The following TOPBP1 variants were observed in gnomAD, a reference collection of about 807,000 sequenced individuals.
The protein encoded by TOPBP1 is DNA topoisomerase 2-binding protein 1.
In TOPBP1, 28 loss-of-function variants were observed where a neutral mutation model predicts 167.7. That is an observed-to-expected ratio of 0.17 (90% CI 0.12 to 0.23). The LOEUF is 0.23. Among genes scored for constraint, TOPBP1 ranks in the 10% least tolerant of loss-of-function variants. The pLI, the probability that TOPBP1 is intolerant of heterozygous loss-of-function variation, is 1.00. For synonymous variants in TOPBP1, 598 were observed against 611.4 expected (o/e 0.98, Z 0.32); for missense variants, 1,554 against 1,809.6 (o/e 0.86, Z 2.56).
intron 16 of TOPBP1, among the ~76,000 whole-genome samples, chr3:133,627,239 A>T (rs1935298438): frequency 6.6e-6 from 1 of 152,190 alleles, no homozygotes; most frequent in Non-Finnish European, 1.5e-5. Flanking sequence ...TCATATAAAA[A>T]CATACATCCT....
intron 27 of TOPBP1, among the ~76,000 whole-genome samples, chr3:133,605,229 C>A (rs574328822): frequency 7.9e-5 from 12 of 150,968 alleles, no homozygotes; most frequent in African/African-American, 2.9e-4. Context: ...TCCAGACCTT[C>A]AAACATTCAA....
At chr3:133,626,750 A>AT (rs1416140608) in intron 16 of TOPBP1, among the ~76,000 whole-genome samples, 1 of 152,162 alleles carries the variant, frequency 6.6e-6, no homozygotes, top group Non-Finnish European at 1.5e-5. Context: ...AACTGAACAT[A>AT]TATCTTTTCT....
intron 27 of TOPBP1, among the ~76,000 whole-genome samples, chr3:133,606,635 G>A (rs1934501869): frequency 6.6e-6 from 1 of 151,642 alleles, no homozygotes; most frequent in South Asian, 2.1e-4. Context: ...AAAAGTTGCT[G>A]TACAGCTACA....
intron 13 of TOPBP1, among the ~76,000 whole-genome samples, chr3:133,638,405 T>C (rs1053895056): frequency 5.9e-5 from 9 of 152,224 alleles, no homozygotes; most frequent in Non-Finnish European, 7.3e-5. Flanking sequence ...GCATTAAATA[T>C]ATGTTGAGTT....
intron 23 of TOPBP1, among the ~76,000 whole-genome samples, chr3:133,615,740 T>C (rs1934848739): frequency 6.6e-6 from 1 of 152,226 alleles, no homozygotes; most frequent in South Asian, 2.1e-4. Context: ...TATTGAATGA[T>C]AAATATATGT....
intron 27 of TOPBP1, among the ~76,000 whole-genome samples, chr3:133,602,216 C>T (rs139628001): frequency 1.1e-4 from 16 of 152,212 alleles, no homozygotes; most frequent in African/African-American, 3.9e-4. Flanking sequence ...ACTGATTTCT[C>T]AACAGAAACA....
chr3:133,608,859 A>G lies in TOPBP1; in HGVS notation c.4263+14T>C, dbSNP rs1291780085. 4 of 1,600,312 alleles carry G rather than the reference A, an allele frequency of 2.5e-6. No individual in the cohort carries two copies. The highest frequency in any genetic ancestry group is 8.5e-7 in the Non-Finnish European group (1 of 1,175,884). ...ATTCATGTAAAAAGGTCAGTAAATT[A>G]ATTTGATACAAACCTTTGCTCCTCC... On this transcript the variant is annotated intron_variant, in intron 26 of 27. Coordinates refer to ENST00000260810, the MANE Select transcript of TOPBP1 (RefSeq NM_007027.4).
In TOPBP1 at chr3:133,649,793, T is replaced by C; in HGVS notation, c.1240A>G (p.Lys414Glu). Residue 414 changes from lysine to glutamate, a missense_variant, in exon 9 of 28, where the codon AAA becomes GAA. This residue lies in a region of TOPBP1 where 1,197 missense variants were observed against 1,351.5 expected (regional missense o/e 0.89). Coordinates refer to ENST00000260810, the MANE Select transcript of TOPBP1 (RefSeq NM_007027.4). The part of the protein sequence containing the change: ...YDDELKQFWN[K>E]SAHRPHVVGA... ...AACGAAAAAAACCTGTGGGCTGATT[T>C]ATTCCAAAACTGCTTCAATTCATCA... The C allele has an allele frequency of 6.3e-7, 1 of 1,594,952 alleles. No homozygotes were observed. Among genetic ancestry groups the C allele is most frequent in the South Asian group, 1.2e-5 (1 of 86,172 alleles).
chr3:133,625,089 C>A (rs138779116), intron 16 of TOPBP1, among the ~76,000 whole-genome samples: 4,363 of 152,298 alleles, frequency 0.029, 107 homozygotes, highest in African/African-American at 0.068. Context: ...ATCTCAGCCT[C>A]CTGAGCAGCT....
intron 12 of TOPBP1, among the ~76,000 whole-genome samples, chr3:133,640,798 T>C (rs1935868349): frequency 1.3e-5 from 2 of 152,188 alleles, no homozygotes; most frequent in Non-Finnish European, 2.9e-5. Flanking sequence ...GCAAAGTGTA[T>C]AAATAACATT....
chr3:133,608,675 G>A lies in TOPBP1; in HGVS notation c.4285C>T (p.Pro1429Ser). 1 of 1,613,398 alleles carries A rather than the reference G, an allele frequency of 6.2e-7. No homozygotes were observed. Reference sequence around the variant, plus strand: ...AGATGTGTGGCCTCTTTAAATAAAGGTACAGAATGACCAGGTAGCACCTAA... The same window carrying A: ...AGATGTGTGGCCTCTTTAAATAAAGATACAGAATGACCAGGTAGCACCTAA... Reference protein sequence around the residue: ...GAKVLPGHSVPLFKEATHLFS... With the variant: ...GAKVLPGHSVSLFKEATHLFS... Residue 1429 changes from proline (P) to serine (S), a missense_variant, in exon 27 of 28, where the codon CCT becomes TCT. Pro to Ser is a moderately conservative substitution (Grantham distance 74, BLOSUM62 -1). Transcript: ENST00000260810.
intron 16 of TOPBP1, among the ~76,000 whole-genome samples, chr3:133,626,296 G>T (rs190058823): frequency 1.1e-3 from 161 of 152,274 alleles, no homozygotes; most frequent in Non-Finnish European, 2.0e-3. Context: ...TACTTCAGGG[G>T]TTATTTTGGA....
rs376487716 is a variant in TOPBP1, at chr3:133,652,126, A to T, written c.1089+337T>A. The stretch of plus-strand genomic sequence containing the variant: ...GCCTGGGCAACAGAGTGAGACCCTA[A>T]CTCAAAAAAATTAAAAAAAAAAAAT... On this transcript the variant is annotated intron_variant, in intron 8 of 27. Transcript: ENST00000260810. 5.5e-4 allele frequency among the ~76,000 whole-genome samples: 82 copies of T among 149,500 alleles called. 1 individual carries two copies. The highest frequency in any genetic ancestry group is 3.5e-3 in the Middle Eastern group (1 of 288).
chr3:133,648,588 G>A (rs970921731), intron 10 of TOPBP1, among the ~76,000 whole-genome samples: 51 of 152,034 alleles, frequency 3.4e-4, no homozygotes, highest in Non-Finnish European at 1.2e-4. Context: ...ACCTGAGGTC[G>A]GGAGTTCAAG....
intron 27 of TOPBP1, among the ~76,000 whole-genome samples, chr3:133,604,038 T>C (rs1308241252): frequency 2.6e-5 from 4 of 151,614 alleles, no homozygotes; most frequent in South Asian, 2.1e-4. Context: ...GAAAAAAAAA[T>C]CCTCTTATAT....
At position 133,628,376 on chromosome 3, in the gene TOPBP1, T is replaced by C. The variant is rs1409767014; in HGVS notation, c.2790A>G (p.Leu930=). Residue 930 remains leucine, a synonymous_variant, in exon 16 of 28, where the codon CTA becomes CTG. Coordinates refer to ENST00000260810, the MANE Select transcript of TOPBP1 (RefSeq NM_007027.4). ...QSELNGIAAS[L]GADYRWSFDE... ...GTGCCAACTACCTGTAATCTGCTCCTAGAGAGGCTGCGATCCCATTTAGTT... is the reference window on the plus strand; with the variant it reads ...GTGCCAACTACCTGTAATCTGCTCCCAGAGAGGCTGCGATCCCATTTAGTT... The C allele has an allele frequency of 1.2e-6, 2 of 1,600,954 alleles. No homozygotes were observed. Among genetic ancestry groups the C allele is most frequent in the Non-Finnish European group, 8.5e-7 (1 of 1,173,022 alleles).
intron 8 of TOPBP1, among the ~76,000 whole-genome samples, chr3:133,650,314 T>C (rs1045888954): frequency 7.2e-6 from 1 of 138,560 alleles, no homozygotes; most frequent in African/African-American, 2.7e-5. Context: ...AAAAGTAAAC[T>C]GTAGTTAACT....
chr3:133,652,407 G>A, intron 8 of TOPBP1, 56 bp downstream of exon 8: 1 of 1,580,130 alleles, frequency 6.3e-7, no homozygotes, highest in Non-Finnish European at 8.6e-7. Context: ...TCAAAGTCAG[G>A]CTAGGAAATG....
chr3:133,623,935 A>T, intron 17 of TOPBP1, 117 bp downstream of exon 17: 1 of 1,262,640 alleles, frequency 7.9e-7, no homozygotes, highest in South Asian at 1.7e-5. Context: ...GTTAACCAAG[A>T]CTATTAAACT....
Sources: gnomAD v4.1 joint callset for allele counts (sites outside exome capture counted in the v4.1 genomes callset) on GRCh38, gnomAD v4.1.1 for gene constraint, gnomAD v4.1.1 regional missense constraint, MANE v1.5 for transcripts, NCBI Gene and HGNC (gene_info 2026-07-23, HGNC 2026-07-21) for gene names.